The following LSMEM1 variants were observed in gnomAD, a reference collection of about 807,000 sequenced individuals.
The protein encoded by LSMEM1 is leucine-rich single-pass membrane protein 1.
Under a neutral mutation model 11.3 loss-of-function variants are expected in LSMEM1, and 10 were observed. The ratio of observed to expected loss-of-function variants is 0.89; its 90% CI spans 0.55 to 1.50. The LOEUF (loss-of-function observed/expected upper bound fraction) is 1.50. LSMEM1 is among the 40% of genes most tolerant of loss of function. The pLI is 0.00. For missense variants in LSMEM1, 151 were observed against 152.9 expected (o/e 0.99, Z 0.06); for synonymous variants, 65 against 59.3 (o/e 1.10, Z -0.44).
Position 112,490,249 on chromosome 7 carries a change from A to G in LSMEM1, c.*300A>G, listed in dbSNP as rs35717863. On this transcript the variant is annotated 3_prime_UTR_variant, in exon 4 of 4. Coordinates refer to ENST00000312849, the MANE Select transcript of LSMEM1 (RefSeq NM_182597.3). ...ATCAACAAAGCAAGAGAACTTGACTATGTACGTCCAACTTCTTACAGAAGG... is the reference window on the plus strand; with the variant it reads ...ATCAACAAAGCAAGAGAACTTGACTGTGTACGTCCAACTTCTTACAGAAGG... 42 of 273,324 alleles carry G rather than the reference A, an allele frequency of 1.5e-4. No homozygotes were observed. Among genetic ancestry groups the G allele is most frequent in the Non-Finnish European group, 2.6e-4 (37 of 144,974 alleles). The allele number at this position is 273,324 out of a possible 1,614,324, so 16.9% of individuals were successfully genotyped here. A position where few individuals can be genotyped will look rare whatever the true frequency, so the allele number is the denominator to read the frequency against.
rs1354226101 is a variant in LSMEM1, at chr7:112,489,957, A to G, written c.*8A>G. On this transcript the variant is annotated 3_prime_UTR_variant, in exon 4 of 4. Transcript: ENST00000312849. Reference sequence around the variant, plus strand: ...GACTCTGAACAAAACTAAAGGAATGATTTTCTGAAAGCACCTGCTAACACC... The same window carrying G: ...GACTCTGAACAAAACTAAAGGAATGGTTTTCTGAAAGCACCTGCTAACACC... 2.5e-6 allele frequency: 4 copies of G among 1,609,538 alleles called. No individual in the cohort carries two copies. Among genetic ancestry groups the G allele is most frequent in the Non-Finnish European group, 3.4e-6 (4 of 1,178,468 alleles).
intron 2 of LSMEM1, 88 bp downstream of exon 2, chr7:112,485,031 TGGAGGGGGA>T: frequency 8.3e-7 from 1 of 1,199,588 alleles, no homozygotes; most frequent in Non-Finnish European, 1.1e-6. Context: ...GTGGGTGTGG[TGGAGGGGGA>T]GGGGGCATTA....
intron 2 of LSMEM1, among the ~76,000 whole-genome samples, chr7:112,485,347 G>A (rs1288817367): frequency 6.6e-6 from 1 of 151,948 alleles, no homozygotes; most frequent in Non-Finnish European, 1.5e-5. Flanking sequence ...TCAATCCAGA[G>A]CATTTTCTAC....
Position 112,484,850 on chromosome 7 carries a change from G to A in LSMEM1, c.34G>A (p.Gly12Ser). 6.2e-7 allele frequency: 1 copy of A among 1,613,728 alleles called. No individual in the cohort carries two copies. The highest frequency in any genetic ancestry group is 8.5e-7 in the Non-Finnish European group (1 of 1,179,780). The change falls in exon 2 of 4, where the codon GGC becomes AGC. Residue 12 changes from glycine to serine, a missense_variant. Coordinates refer to ENST00000312849, the MANE Select transcript of LSMEM1 (RefSeq NM_182597.3). ...TTCTTCCCAGGACACTGGTTCTTGT[G>A]GCATTCAGGAAGATGGAAAGCTTTA... ...THSSQDTGSCGIQEDGKLYVV... is the reference protein window; with the variant it reads ...THSSQDTGSCSIQEDGKLYVV...
intron 1 of LSMEM1, among the ~76,000 whole-genome samples, chr7:112,484,254 C>T (rs1796086011): frequency 6.6e-6 from 1 of 152,108 alleles, no homozygotes; most frequent in East Asian, 1.9e-4. Context: ...GACTTACATG[C>T]CATATGGAGG....
At chr7:112,480,525 TCTC>T (rs1005679961), upstream of LSMEM1, among the ~76,000 whole-genome samples, 4 of 152,218 alleles carry the variant, frequency 2.6e-5, no homozygotes, top group East Asian at 1.9e-4. Flanking sequence ...AGATAGTTGG[TCTC>T]CTCATCACTG....
At chr7:112,485,936 T>G (rs1796120403) in intron 2 of LSMEM1, among the ~76,000 whole-genome samples, 1 of 150,894 alleles carries the variant, frequency 6.6e-6, no homozygotes, top group Admixed American at 6.7e-5. Flanking sequence ...CTGGGTGTTA[T>G]TAGGCAACTA....
rs1448714627 is a variant in LSMEM1 at position 112,484,833 on chromosome 7, A to G, written c.17A>G (p.Gln6Arg). Residue 6 changes from glutamine (Q) to arginine (R), a missense_variant, in exon 2 of 4, where the codon CAG becomes CGG. By Grantham distance (43) the Gln-to-Arg change is conservative (BLOSUM62 1). Transcript: ENST00000312849. MTHSS[Q>R]DTGSCGIQED... The stretch of plus-strand genomic sequence containing the variant: ...CCAGGGACAATGACTCATTCTTCCC[A>G]GGACACTGGTTCTTGTGGCATTCAG... 3.1e-6 allele frequency: 5 copies of G among 1,613,684 alleles called. No individual in the cohort carries two copies. The highest frequency in any genetic ancestry group is 2.2e-5 in the East Asian group (1 of 44,862).
chr7:112,486,269 G>A (rs891501490), intron 2 of LSMEM1: 2 of 363,096 alleles, frequency 5.5e-6, no homozygotes, highest in South Asian at 2.0e-5. Context: ...TTGGGAAAGG[G>A]TAATAGAACT....
At position 112,490,778 on chromosome 7, in the gene LSMEM1, A is replaced by G. The variant is rs2117379169; in HGVS notation, c.*829A>G. ...TTTGTGGCCTTTCCTAAATTGCACT[A>G]GGAAATTATGTAGTTAGAATATTTG... On this transcript the variant is annotated 3_prime_UTR_variant, in exon 4 of 4. Coordinates refer to ENST00000312849, the MANE Select transcript of LSMEM1 (RefSeq NM_182597.3). 1 of 152,346 alleles carries G rather than the reference A, an allele frequency of 6.6e-6. No individual in the cohort carries two copies. The highest frequency in any genetic ancestry group is 2.1e-4 in the South Asian group (1 of 4,828). 9.4% of individuals were successfully genotyped at this position (152,346 alleles called of 1,614,324 possible).
At chr7:112,483,963 G>A (rs923767695) in intron 1 of LSMEM1, among the ~76,000 whole-genome samples, 2 of 152,220 alleles carry the variant, frequency 1.3e-5, no homozygotes, top group Non-Finnish European at 2.9e-5. Context: ...CAAGTTCTCT[G>A]TTGTGCTAGA....
At chr7:112,483,590 G>A (rs1437928662) in intron 1 of LSMEM1, 3 of 152,178 alleles carry the variant, frequency 2.0e-5, no homozygotes, top group African/African-American at 4.8e-5. Flanking sequence ...ATCCAGCAAA[G>A]GCAAAAGGAA....
In LSMEM1 at chr7:112,481,007, C is replaced by T. The variant is rs1325306482; in HGVS notation, c.-345C>T. 3 of 383,706 alleles carry T rather than the reference C, an allele frequency of 7.8e-6. No individual in the cohort carries two copies. The highest frequency in any genetic ancestry group is 1.5e-5 in the Non-Finnish European group (3 of 194,966). The allele number at this position is 383,706 out of a possible 1,614,324, so 23.8% of individuals were successfully genotyped here. A position where few individuals can be genotyped will look rare whatever the true frequency, so the allele number is the denominator to read the frequency against. On this transcript the variant is annotated 5_prime_UTR_variant, in exon 1 of 4. Coordinates refer to ENST00000312849, the MANE Select transcript of LSMEM1 (RefSeq NM_182597.3). The stretch of plus-strand genomic sequence containing the variant: ...GGTAACTTCAGTCCAATAAAAACCT[C>T]ATCAGTTACCAACTAAATCAGGGCA...
intron 3 of LSMEM1, among the ~76,000 whole-genome samples, chr7:112,487,334 T>C (rs1796153215): frequency 6.6e-6 from 1 of 152,232 alleles, no homozygotes; most frequent in African/African-American, 2.4e-5. Flanking sequence ...AGCTGCCCAA[T>C]GGAAGGCAAC....
At chr7:112,486,566 GGA>G in intron 2 of LSMEM1, 2 of 308,612 alleles carry the variant, frequency 6.5e-6, no homozygotes, top group Non-Finnish European at 1.3e-5. Context: ...CATGAGGTCA[GGA>G]GATTGAGACC....
At chr7:112,480,896 A>G (rs1170366470), upstream of LSMEM1, 2 of 456,264 alleles carry the variant, frequency 4.4e-6, no homozygotes, top group South Asian at 3.1e-5. Context: ...TCCGCCTGCT[A>G]CAGGATATTT....
chr7:112,488,317 G>A (rs570692642), intron 3 of LSMEM1, among the ~76,000 whole-genome samples: 6 of 152,134 alleles, frequency 3.9e-5, no homozygotes, highest in Non-Finnish European at 5.9e-5. Flanking sequence ...ATTCTGAACC[G>A]TTACTCCAAC....
At chr7:112,488,068 C>A (rs750591663) in intron 3 of LSMEM1, among the ~76,000 whole-genome samples, 1 of 152,180 alleles carries the variant, frequency 6.6e-6, no homozygotes, top group Admixed American at 6.5e-5. Flanking sequence ...ATTTCCTCCC[C>A]CAAAGACTCC....
rs1796098493 is a variant in LSMEM1, at chr7:112,484,894, T to C, written c.78T>C (p.Asn26=). 3 of 1,613,870 alleles carry C rather than the reference T, an allele frequency of 1.9e-6. No individual in the cohort carries two copies. The highest frequency in any genetic ancestry group is 2.7e-5 in the African/African-American group (2 of 75,014). Residue 26 remains asparagine (N), a synonymous_variant, in exon 2 of 4, where the codon AAT becomes AAC. Coordinates refer to ENST00000312849, the MANE Select transcript of LSMEM1 (RefSeq NM_182597.3). ...AGCTTTATGTGGTGGATTCCATAAA[T>C]GACTTAAACAAACTAAACCTCTGTC... ...DGKLYVVDSI[N]DLNKLNLCPA...
Sources: allele counts gnomAD v4.1 joint callset (sites outside exome capture counted in the v4.1 genomes callset), GRCh38; gene constraint gnomAD v4.1.1; transcripts MANE v1.5; gene names NCBI Gene and HGNC (gene_info 2026-07-23, HGNC 2026-07-21).